BCLAF3: variants seen among roughly 807,000 people sequenced by gnomAD.
BCLAF3 encodes transient octamer binding factor 1.
BCLAF3 carries 24 observed loss-of-function variants against 51.2 expected under a neutral mutation model. The observed-to-expected ratio is 0.47, with a 90% CI of 0.34 to 0.66. BCLAF3 has a LOEUF of 0.66. Among genes scored for constraint, BCLAF3 ranks in the 30% least tolerant of loss-of-function variants. The pLI is 0.01. For synonymous variants in BCLAF3, 152 were observed against 176.6 expected (o/e 0.86, Z 1.10); for missense variants, 465 against 525.1 (o/e 0.89, Z 1.12).
intron 8 of BCLAF3, among the ~76,000 whole-genome samples, chrX:19,941,592 C>T (rs1358924693): frequency 2.8e-5 from 3 of 108,593 alleles, no homozygotes; most frequent in Non-Finnish European, 5.7e-5. Flanking sequence ...AGATATGTGG[C>T]GTTATTTCTG....
intron 4 of BCLAF3, 48 bp downstream of exon 4, chrX:19,964,996 A>T (rs2071996573): frequency 9.9e-6 from 10 of 1,012,763 alleles, no homozygotes; most frequent in Non-Finnish European, 1.3e-5. Context: ...GCAAATAAAG[A>T]TTGTAGAAAC....
chrX:19,960,537 G>A (rs1161052627), intron 4 of BCLAF3, among the ~76,000 whole-genome samples: 1 of 112,014 alleles, frequency 8.9e-6, no homozygotes, highest in Non-Finnish European at 1.9e-5. Context: ...ATTTTAAAAT[G>A]CATATGAGAA....
intron 8 of BCLAF3, among the ~76,000 whole-genome samples, chrX:19,946,237 C>T (rs769083941): frequency 9.0e-4 from 101 of 112,332 alleles, no homozygotes; most frequent in Admixed American, 3.2e-3. Flanking sequence ...CCGTCTTCTG[C>T]GTCGCTCACG....
At chrX:19,955,132 C>T in intron 5 of BCLAF3, among the ~76,000 whole-genome samples, 1 of 111,399 alleles carries the variant, frequency 9.0e-6, no homozygotes, top group South Asian at 3.7e-4. Flanking sequence ...TTTTCTTTCG[C>T]AGCAGCCAGC....
At chrX:19,970,906 A>C (rs1290908061) in intron 1 of BCLAF3, among the ~76,000 whole-genome samples, 1 of 111,865 alleles carries the variant, frequency 8.9e-6, no homozygotes, top group African/African-American at 3.3e-5. Context: ...ACTGCTAAAT[A>C]AGTATTCCAA....
chrX:19,968,265 C>T (rs943877629), intron 2 of BCLAF3, among the ~76,000 whole-genome samples: 1 of 112,778 alleles, frequency 8.9e-6, no homozygotes, highest in Non-Finnish European at 1.9e-5. Context: ...TCTCCACAGT[C>T]TCTTGAGTTC....
chrX:19,958,434 TA>T (rs751154019), intron 4 of BCLAF3, among the ~76,000 whole-genome samples: 9 of 112,186 alleles, frequency 8.0e-5, no homozygotes, highest in Non-Finnish European at 1.7e-4. Flanking sequence ...TTCCAACTAA[TA>T]ACTAACATTT....
At chrX:19,986,854 T>C (rs1029176856) in intron 1 of BCLAF3, among the ~76,000 whole-genome samples, 1 of 103,132 alleles carries the variant, frequency 9.7e-6, no homozygotes, top group East Asian at 3.3e-4. Flanking sequence ...CCCAGGCTGG[T>C]GTGCGGTAGT....
At chrX:19,964,903 CT>C (rs1314168223) in intron 4 of BCLAF3, 140 bp downstream of exon 4, 277 of 480,892 alleles carry the variant, frequency 5.8e-4, no homozygotes, top group Non-Finnish European at 7.1e-4. Context: ...CACTACAGGG[CT>C]TTTTTTTTGG....
chrX:19,935,341 T>C (rs1330538432), intron 10 of BCLAF3: 1 of 115,481 alleles, frequency 8.7e-6, no homozygotes, highest in African/African-American at 3.2e-5. Context: ...TGATAAAATA[T>C]GCTTTAACAA....
In BCLAF3 at chrX:19,953,880, G is replaced by A; in HGVS notation, c.1463C>T (p.Pro488Leu). ...CTCATGTAAAGTAATGCCAGGTGATGGAAAATAATTTGCTGAAAAAGGAAA... is the reference window on the plus strand; with the variant it reads ...CTCATGTAAAGTAATGCCAGGTGATAGAAAATAATTTGCTGAAAAAGGAAA... ...IIHQVKANYF[P>L]SPGITLHERF... The change falls in exon 6 of 12, where the codon CCA becomes CTA. Residue 488 changes from proline (P) to leucine (L), a missense_variant. Transcript: ENST00000379682. The A allele has an allele frequency of 1.7e-6, 2 of 1,203,928 alleles. No homozygotes were observed. The highest frequency in any genetic ancestry group is 1.8e-5 in the South Asian group (1 of 55,713).
At position 19,937,470 on chromosome X, in the gene BCLAF3, G is replaced by A. The variant is rs1474328596; in HGVS notation, c.1808C>T (p.Pro603Leu). The change falls in exon 9 of 12, where the codon CCC (proline) becomes CTC (leucine). Residue 603 changes from proline to leucine, a missense_variant. Coordinates refer to ENST00000379682, the MANE Select transcript of BCLAF3 (RefSeq NM_001367774.2). ...AAAATTTGATTTTATAAAATGTGTGGGTTTTTGGAATCCATCAGTATGAAC... is the reference window on the plus strand; with the variant it reads ...AAAATTTGATTTTATAAAATGTGTGAGTTTTTGGAATCCATCAGTATGAAC... ...KNVHTDGFQK[P>L]THFIKSNFRK... 4 of 1,187,059 alleles carry A rather than the reference G, an allele frequency of 3.4e-6. No homozygotes were observed. In the South Asian group the frequency reaches 5.5e-5, roughly 16 times the overall value.
chrX:19,953,674 C>T (rs756901284), intron 6 of BCLAF3, 104 bp downstream of exon 6: 37 of 529,159 alleles, frequency 7.0e-5, no homozygotes, highest in Non-Finnish European at 1.1e-4. Context: ...CTACAGTCTA[C>T]AGCAAGCCCA....
In BCLAF3 at chrX:19,915,665, G is replaced by C. The variant is rs1368726800; in HGVS notation, c.*1640C>G. The C allele has an allele frequency of 8.9e-6, 1 of 111,932 alleles. No individual in the cohort carries two copies. Among genetic ancestry groups the C allele is most frequent in the African/African-American group, 3.2e-5 (1 of 30,848 alleles). 9.2% of individuals were successfully genotyped at this position (111,932 alleles called of 1,213,427 possible). ...CGTACCATAAAGGCAGGGTCCATGT[G>C]TCTTGTCTTCTTGTTCATTGCTGTA... On this transcript the variant is annotated 3_prime_UTR_variant, in exon 12 of 12. Coordinates refer to ENST00000379682, the MANE Select transcript of BCLAF3 (RefSeq NM_001367774.2).
chrX:19,976,425 C>T (rs2072424423), intron 1 of BCLAF3, among the ~76,000 whole-genome samples: 1 of 111,313 alleles, frequency 9.0e-6, no homozygotes, highest in South Asian at 3.7e-4. Flanking sequence ...GAGTCTCGCT[C>T]TGTCACCCAG....
At chrX:19,971,354 A>G (rs1040457295) in intron 1 of BCLAF3, among the ~76,000 whole-genome samples, 3 of 112,293 alleles carry the variant, frequency 2.7e-5, no homozygotes, top group African/African-American at 9.7e-5. Flanking sequence ...AAGTGCTGGG[A>G]TTACAGGCGT....
rs985610418 is a variant in BCLAF3 at position 19,913,159 on chromosome X, C to T, written c.*4146G>A. 8.0e-5 allele frequency: 9 copies of T among 111,900 alleles called. No individual in the cohort carries two copies. The highest frequency in any genetic ancestry group is 2.9e-4 in the African/African-American group (9 of 30,721). The allele number at this position is 111,900 out of a possible 1,213,427, so 9.2% of individuals were successfully genotyped here. On this transcript the variant is annotated 3_prime_UTR_variant, in exon 12 of 12. Coordinates refer to ENST00000379682, the MANE Select transcript of BCLAF3 (RefSeq NM_001367774.2). The stretch of plus-strand genomic sequence containing the variant: ...CGTGGCCTCGGTTCACTGCAACCTT[C>T]GCCTCCCGGGTTTAAGCAATTCTCC...
At chrX:19,924,746 T>C (rs1457716396) in intron 11 of BCLAF3, among the ~76,000 whole-genome samples, 1 of 111,241 alleles carries the variant, frequency 9.0e-6, no homozygotes, top group East Asian at 2.8e-4. Flanking sequence ...CCTGGCCAAA[T>C]GCGCAATTAC....
In BCLAF3 at chrX:19,935,904, C is replaced by A. The variant is rs753130124; in HGVS notation, c.1861-6G>T. On this transcript the variant is annotated splice_polypyrimidine_tract_variant and splice_region_variant and intron_variant, in intron 9 of 11. Transcript: ENST00000379682. ...TTTCTCTGCGTAGTATAATTCTGCA[C>A]GAAAAAAAGTAGTAGTGTGGGTTAA... 6 of 1,176,701 alleles carry A rather than the reference C, an allele frequency of 5.1e-6. No homozygotes were observed. Among genetic ancestry groups the A allele is most frequent in the Non-Finnish European group, 6.9e-6 (6 of 870,931 alleles).
Sources: gnomAD v4.1 joint callset for allele counts (sites outside exome capture counted in the v4.1 genomes callset) on GRCh38, gnomAD v4.1.1 for gene constraint, MANE v1.5 for transcripts, NCBI Gene and HGNC (gene_info 2026-07-23, HGNC 2026-07-21) for gene names.